R3HCC1L: variants seen among roughly 807,000 people sequenced by gnomAD.
R3HCC1L encodes the protein coiled-coil domain-containing protein R3HCC1L.
A neutral mutation model predicts 59.9 loss-of-function variants in R3HCC1L; 51 were observed. The ratio of observed to expected loss-of-function variants is 0.85; its 90% CI spans 0.68 to 1.07. The LOEUF (loss-of-function observed/expected upper bound fraction) is 1.07, where lower values mean the gene tolerates loss of function less well. Ranked by LOEUF, R3HCC1L falls within the 50% of genes least tolerant of loss-of-function variation. The probability of loss-of-function intolerance (pLI) is 0.00; values close to 1 mark genes in which losing one functional copy is unlikely to be tolerated. For synonymous variants in R3HCC1L, 322 were observed against 315.2 expected (o/e 1.02, Z -0.23); for missense variants, 965 against 933.0 (o/e 1.03, Z -0.45).
At position 98,208,907 on chromosome 10, in the gene R3HCC1L, A is replaced by G. The variant is rs776852672; in HGVS notation, c.793A>G (p.Thr265Ala). 13 of 1,614,016 alleles carry G rather than the reference A, an allele frequency of 8.1e-6. No homozygotes were observed. The highest frequency in any genetic ancestry group is 1.6e-4 in the Middle Eastern group (1 of 6,082). ...ATTGAATCCCAGCAGCGGAGGCATC[A>G]CCACTACTTCTGTTCCTGGAAGTCC... ...GILNPSSGGI[T>A]TTSVPGSPDG... The change falls in exon 5 of 10, where the codon ACC (threonine) becomes GCC (alanine). Residue 265 changes from threonine to alanine, a missense_variant. By Grantham distance (58) the Thr-to-Ala change is moderately conservative. Coordinates refer to ENST00000298999, the MANE Select transcript of R3HCC1L (RefSeq NM_001351015.2).
intron 1 of R3HCC1L, among the ~76,000 whole-genome samples, chr10:98,150,855 ACATACTCC>A (rs1245427186): frequency 6.6e-6 from 1 of 152,024 alleles, no homozygotes; most frequent in Non-Finnish European, 1.5e-5. Flanking sequence ...TTCTTCCTTT[ACATACTCC>A]CAAAACTGCC....
chr10:98,230,477 T>C lies in R3HCC1L; in HGVS notation c.1786-1035T>C, dbSNP rs1856241849. On this transcript the variant is annotated intron_variant, in intron 5 of 9. Transcript: ENST00000298999. ...CTATTTGATTCTTCTCTCTTCTTTG[T>C]TAATCTTGCTAGTGGTCTATCAATT... is the stretch of plus-strand genomic sequence containing the variant. Among the ~76,000 whole-genome samples the C allele has an allele frequency of 2.0e-5, 3 of 152,080 alleles. No individual in the cohort carries two copies. The South Asian group carries it at 6.2e-4, about 32-fold the overall frequency.
chr10:98,204,268 C>T (rs911331506), intron 4 of R3HCC1L, among the ~76,000 whole-genome samples: 6 of 151,976 alleles, frequency 3.9e-5, no homozygotes, highest in Non-Finnish European at 7.4e-5. Context: ...ATTAGCCAGG[C>T]GTGGTGGGCA....
At chr10:98,177,250 A>G (rs1849123591) in intron 4 of R3HCC1L, among the ~76,000 whole-genome samples, 1 of 151,866 alleles carries the variant, frequency 6.6e-6, no homozygotes, top group African/African-American at 2.4e-5. Context: ...TTCATTGTTC[A>G]ATTCCCACCT....
chr10:98,146,927 A>G (rs1845705869), intron 1 of R3HCC1L, among the ~76,000 whole-genome samples: 1 of 152,206 alleles, frequency 6.6e-6, no homozygotes, highest in African/African-American at 2.4e-5. Flanking sequence ...TATATCCAGT[A>G]GTGGAATTGC....
At chr10:98,135,116 C>G (rs1267703955) in intron 1 of R3HCC1L, among the ~76,000 whole-genome samples, 1 of 152,236 alleles carries the variant, frequency 6.6e-6, no homozygotes, top group Non-Finnish European at 1.5e-5. Flanking sequence ...CTTCGAGCCT[C>G]GCCTTTGAGC....
intron 1 of R3HCC1L, among the ~76,000 whole-genome samples, chr10:98,152,672 C>A (rs1444761797): frequency 7.7e-6 from 1 of 129,588 alleles, no homozygotes; most frequent in African/African-American, 2.6e-5. Flanking sequence ...AGCGCCTCTG[C>A]CCGGCCGCGA....
chr10:98,239,397 C>T (rs1250282888), intron 9 of R3HCC1L, among the ~76,000 whole-genome samples: 1 of 152,142 alleles, frequency 6.6e-6, no homozygotes, highest in African/African-American at 2.4e-5. Context: ...ATCTATATAT[C>T]ATCCTGTTAT....
At chr10:98,203,244 A>ATG (rs764564443) in intron 4 of R3HCC1L, among the ~76,000 whole-genome samples, 1 of 152,096 alleles carries the variant, frequency 6.6e-6, no homozygotes, top group Admixed American at 6.5e-5. Flanking sequence ...AAAAAACTGC[A>ATG]TGTGTGTGTA....
chr10:98,229,160 A>G (rs1409560987), intron 5 of R3HCC1L, among the ~76,000 whole-genome samples: 5 of 152,012 alleles, frequency 3.3e-5, no homozygotes, highest in Non-Finnish European at 2.9e-5. Context: ...CATTGAATCT[A>G]TAAATTACCT....
At chr10:98,183,899 G>C (rs953364385) in intron 4 of R3HCC1L, among the ~76,000 whole-genome samples, 1 of 149,088 alleles carries the variant, frequency 6.7e-6, no homozygotes, top group African/African-American at 2.5e-5. Flanking sequence ...GTTCTAATAT[G>C]ATGGTTGTAT....
Position 98,195,231 on chromosome 10 carries a change from G to A in R3HCC1L, c.-14-12870G>A, listed in dbSNP as rs182238186. On this transcript the variant is annotated intron_variant, in intron 4 of 9. Transcript: ENST00000298999. ...CCCAATCACAAAAAGTTGAATACTT[G>A]CATAATTTCACTAATATGAGGTATC... 7.8e-4 allele frequency among the ~76,000 whole-genome samples: 119 copies of A among 152,196 alleles called. 2 individuals are homozygous for A. The highest frequency in any genetic ancestry group is 5.8e-3 in the East Asian group (30 of 5,178).
At chr10:98,238,533 A>T (rs188250298) in intron 9 of R3HCC1L, among the ~76,000 whole-genome samples, 212 of 152,280 alleles carry the variant, frequency 1.4e-3, no homozygotes, top group African/African-American at 4.5e-3. Context: ...ACAGGTTATG[A>T]TGATATTGCA....
chr10:98,139,708 T>A (rs947368075), intron 1 of R3HCC1L, among the ~76,000 whole-genome samples: 2 of 152,218 alleles, frequency 1.3e-5, no homozygotes, highest in Non-Finnish European at 2.9e-5. Context: ...GAGAGAATTT[T>A]CTTTTCTCTT....
chr10:98,187,524 C>A (rs1425885737), intron 4 of R3HCC1L, among the ~76,000 whole-genome samples: 1 of 151,926 alleles, frequency 6.6e-6, no homozygotes, highest in Non-Finnish European at 1.5e-5. Flanking sequence ...TTGATGGTGG[C>A]AGGAAATTAT....
At position 98,208,654 on chromosome 10, in the gene R3HCC1L, C is replaced by T. The variant is rs1259884820; in HGVS notation, c.540C>T (p.Phe180=). 6.2e-7 allele frequency: 1 copy of T among 1,614,092 alleles called. No homozygotes were observed. The highest frequency in any genetic ancestry group is 2.2e-5 in the East Asian group (1 of 44,862). The change falls in exon 5 of 10, where the codon TTC becomes TTT. Residue 180 remains phenylalanine, a synonymous_variant. Coordinates refer to ENST00000298999, the MANE Select transcript of R3HCC1L (RefSeq NM_001351015.2). ...ISEAQVPSKP[F]QNVEFCDFSR... ...AGGCTCAAGTTCCAAGCAAACCATTCCAAAATGTGGAATTCTGTGACTTCA... is the reference window on the plus strand; with the variant it reads ...AGGCTCAAGTTCCAAGCAAACCATTTCAAAATGTGGAATTCTGTGACTTCA...
chr10:98,158,225 G>A (rs982716061), intron 2 of R3HCC1L, among the ~76,000 whole-genome samples: 3 of 151,718 alleles, frequency 2.0e-5, no homozygotes, highest in African/African-American at 7.3e-5. Flanking sequence ...GTTTAAATGG[G>A]GCATACTATA....
At chr10:98,150,569 C>T (rs1445309709) in intron 1 of R3HCC1L, among the ~76,000 whole-genome samples, 1 of 151,706 alleles carries the variant, frequency 6.6e-6, no homozygotes, top group East Asian at 1.9e-4. Context: ...CACCAGCTGT[C>T]ACCTTAAGCC....
intron 1 of R3HCC1L, among the ~76,000 whole-genome samples, chr10:98,141,360 A>G (rs1487432889): frequency 6.6e-6 from 1 of 152,220 alleles, no homozygotes; most frequent in East Asian, 1.9e-4. Flanking sequence ...AGGTCTGCCA[A>G]ATTGCACATT....
Sources: allele counts gnomAD v4.1 joint callset (sites outside exome capture counted in the v4.1 genomes callset), GRCh38; gene constraint gnomAD v4.1.1; transcripts MANE v1.5; gene names NCBI Gene and HGNC (gene_info 2026-07-23, HGNC 2026-07-21).